PHF3: variants seen among roughly 807,000 people sequenced by gnomAD.
PHF3 encodes the protein PHD finger protein 3.
Under a neutral mutation model 178.4 loss-of-function variants are expected in PHF3, and 41 were observed. The observed-to-expected ratio is 0.23, with a 90% CI of 0.18 to 0.30. The LOEUF (loss-of-function observed/expected upper bound fraction) is 0.30. PHF3 is among the 10% of genes least tolerant of loss of function. PHF3 has a pLI of 1.00. For synonymous variants in PHF3, 842 were observed against 800.5 expected (o/e 1.05, Z -0.88); for missense variants, 2,346 against 2,398.1 (o/e 0.98, Z 0.45).
intron 10 of PHF3, among the ~76,000 whole-genome samples, chr6:63,702,994 C>G (rs914093875): frequency 1.3e-5 from 2 of 152,254 alleles, no homozygotes; most frequent in Non-Finnish European, 2.9e-5. Flanking sequence ...GCTGCCACCT[C>G]AGCCTCCCAA....
intron 6 of PHF3, among the ~76,000 whole-genome samples, chr6:63,696,422 C>A (rs1400683491): frequency 6.6e-6 from 1 of 151,960 alleles, no homozygotes. Flanking sequence ...TGGGCTCAAG[C>A]TATCCTCTCG....
intron 2 of PHF3, among the ~76,000 whole-genome samples, chr6:63,647,862 T>C: frequency 6.6e-6 from 1 of 152,198 alleles, no homozygotes; most frequent in East Asian, 1.9e-4. Context: ...TCCCTCACCA[T>C]TCCCTAGAGT....
At chr6:63,642,233 T>C (rs546250754) in intron 1 of PHF3, among the ~76,000 whole-genome samples, 1 of 152,338 alleles carries the variant, frequency 6.6e-6, no homozygotes, top group East Asian at 1.9e-4. Flanking sequence ...TCCCTTTGCC[T>C]AGAATATCCT....
chr6:63,661,889 G>A (rs1582027491), intron 2 of PHF3, among the ~76,000 whole-genome samples: 2 of 152,254 alleles, frequency 1.3e-5, no homozygotes, highest in East Asian at 3.9e-4. Context: ...TGCTGTCCTT[G>A]TTGTAGAGCA....
intron 2 of PHF3, among the ~76,000 whole-genome samples, chr6:63,668,611 A>G (rs994692973): frequency 3.3e-5 from 5 of 152,092 alleles, no homozygotes; most frequent in African/African-American, 1.2e-4. Flanking sequence ...TAAACCTGGG[A>G]TTATAGGCTT....
At chr6:63,654,960 C>T (rs980617871) in intron 2 of PHF3, among the ~76,000 whole-genome samples, 5 of 136,080 alleles carry the variant, frequency 3.7e-5, no homozygotes, top group African/African-American at 5.5e-5. Flanking sequence ...GTGGTACAAT[C>T]TCAGCTCACT....
intron 14 of PHF3, among the ~76,000 whole-genome samples, chr6:63,710,345 T>G (rs760481679): frequency 2.6e-5 from 4 of 152,196 alleles, no homozygotes; most frequent in South Asian, 2.1e-4. Flanking sequence ...TACTAACATA[T>G]GTATGGTGAT....
Position 63,723,425 on chromosome 6 carries a change from T to C in PHF3, c.*9717T>C, listed in dbSNP as rs964849240. On this transcript the variant is annotated 3_prime_UTR_variant, in exon 16 of 16. Coordinates refer to ENST00000262043, the MANE Select transcript of PHF3 (RefSeq NM_001370348.2). ...TGCAAGTGAACACAAACCAGTTATCTTTTGCAAGATTATGGAGGAAGCTTT... is the reference window on the plus strand; with the variant it reads ...TGCAAGTGAACACAAACCAGTTATCCTTTGCAAGATTATGGAGGAAGCTTT... Among the ~76,000 whole-genome samples the C allele has an allele frequency of 2.0e-5, 3 of 152,320 alleles. No individual in the cohort carries two copies. The highest frequency in any genetic ancestry group is 6.5e-5 in the Admixed American group (1 of 15,300).
chr6:63,646,727 C>T lies in PHF3; in HGVS notation c.176C>T (p.Ala59Val). ...LSDKDPMLGS[A>V]SNQFCLPVLD... Reference sequence around the variant, plus strand: ...GATAAGGATCCTATGCTAGGATCTGCAAGTAACCAGTTCTGTTTGCCTGTT... The same window carrying T: ...GATAAGGATCCTATGCTAGGATCTGTAAGTAACCAGTTCTGTTTGCCTGTT... The change falls in exon 2 of 16, where the codon GCA (alanine) becomes GTA (valine). Residue 59 changes from alanine (A) to valine (V), a missense_variant. Ala to Val is a moderately conservative substitution (Grantham distance 64, BLOSUM62 0). This residue lies in a region of PHF3 where 843 missense variants were observed against 795.2 expected (regional missense o/e 1.06). Coordinates refer to ENST00000262043, the MANE Select transcript of PHF3 (RefSeq NM_001370348.2). 1 of 1,611,640 alleles carries T rather than the reference C, an allele frequency of 6.2e-7. No homozygotes were observed.
chr6:63,638,138 G>T (rs577939507), intron 1 of PHF3, among the ~76,000 whole-genome samples: 60 of 152,096 alleles, frequency 3.9e-4, no homozygotes, highest in African/African-American at 1.4e-3. Context: ...AAAATCGAAA[G>T]GAATTTGTCT....
At chr6:63,703,514 T>G (rs764140434) in intron 10 of PHF3, 22 bp from the exon 11 acceptor site, 1 of 1,589,232 alleles carries the variant, frequency 6.3e-7, no homozygotes, top group Admixed American at 1.9e-5. Flanking sequence ...CTAAAACTAA[T>G]TTTTACTTTG....
Position 63,685,777 on chromosome 6 carries a change from G to A in PHF3, c.2055G>A (p.Glu685=), listed in dbSNP as rs943996046. The A allele has an allele frequency of 1.2e-5, 19 of 1,613,936 alleles. No homozygotes were observed. Among genetic ancestry groups the A allele is most frequent in the Non-Finnish European group, 1.4e-5 (16 of 1,180,026 alleles). Reference sequence around the variant, plus strand: ...GCAGCAAAAGTTTTTCTTTAGATGAGCCACCATTGTTCATTCCAGATAACA... The same window carrying A: ...GCAGCAAAAGTTTTTCTTTAGATGAACCACCATTGTTCATTCCAGATAACA... ...RRSSKSFSLD[E]PPLFIPDNIA... is the part of the protein sequence containing the mutation. Residue 685 remains glutamate (E), a synonymous_variant, in exon 4 of 16, where the codon GAG becomes GAA. Transcript: ENST00000262043.
intron 4 of PHF3, among the ~76,000 whole-genome samples, chr6:63,688,904 G>C (rs1163351327): frequency 6.6e-6 from 1 of 152,136 alleles, no homozygotes. Flanking sequence ...CAACAGCTTT[G>C]CCTCTGTAAA....
Position 63,722,069 on chromosome 6 carries a change from G to C in PHF3, c.*8361G>C, listed in dbSNP as rs1768419478. Among the ~76,000 whole-genome samples the C allele has an allele frequency of 6.6e-6, 1 of 152,052 alleles. No homozygotes were observed. The highest frequency in any genetic ancestry group is 2.4e-5 in the African/African-American group (1 of 41,398). On this transcript the variant is annotated 3_prime_UTR_variant, in exon 16 of 16. Transcript: ENST00000262043. ...TATTGTGGTAGTAAGTTAAAGTGAG[G>C]TTTTTCTTCAAATGAAAGCCTGTTC...
chr6:63,645,891 G>T (rs56030400), intron 1 of PHF3, among the ~76,000 whole-genome samples: 2,164 of 152,112 alleles, frequency 0.014, 23 homozygotes, highest in Middle Eastern at 0.027. Context: ...TTGAAAAAAG[G>T]TGTGTTTGTG....
In PHF3 at chr6:63,723,864, C is replaced by T. The variant is rs925911113; in HGVS notation, c.*10156C>T. ...GAGACCAGAGTCCTGCTCTGTCCCCCAAGCTGGAGTGCAATGGTGCAATCT... is the reference window on the plus strand; with the variant it reads ...GAGACCAGAGTCCTGCTCTGTCCCCTAAGCTGGAGTGCAATGGTGCAATCT... On this transcript the variant is annotated 3_prime_UTR_variant, in exon 16 of 16. Transcript: ENST00000262043. Among the ~76,000 whole-genome samples, 1 of 150,910 alleles carries T rather than the reference C, an allele frequency of 6.6e-6. No individual in the cohort carries two copies. Among genetic ancestry groups the T allele is most frequent in the Non-Finnish European group, 1.5e-5 (1 of 67,782 alleles).
chr6:63,650,438 A>G (rs1206868916), intron 2 of PHF3, among the ~76,000 whole-genome samples: 1 of 152,222 alleles, frequency 6.6e-6, no homozygotes, highest in African/African-American at 2.4e-5. Context: ...TTTCAAGTAA[A>G]GGAAAACACC....
rs772996967 is a variant in PHF3 at position 63,678,869 on chromosome 6, A to G, written c.245-1131A>G. ...GTTGAGCTCTTTTAAATGAAGTTCT[A>G]CTTGGACACAAAGATGAGGACTAGA... On this transcript the variant is annotated intron_variant, in intron 2 of 15. Coordinates refer to ENST00000262043, the MANE Select transcript of PHF3 (RefSeq NM_001370348.2). The G allele has an allele frequency of 4.3e-4, 194 of 451,784 alleles. 4 individuals are homozygous for G. Among genetic ancestry groups the G allele is most frequent in the South Asian group, 2.0e-3 (126 of 63,132 alleles). The allele number at this position is 451,784 out of a possible 1,614,324, so 28.0% of individuals were successfully genotyped here. A position where few individuals can be genotyped will look rare whatever the true frequency, so the allele number is the denominator to read the frequency against.
rs927327659 is a variant in PHF3 at position 63,720,866 on chromosome 6, AAG to A, written c.*7161_*7162del. The A allele has an allele frequency of 2.6e-6, 4 of 1,551,074 alleles. No individual in the cohort carries two copies. The highest frequency in any genetic ancestry group is 3.5e-6 in the Non-Finnish European group (4 of 1,146,630). ...GACTGTTATTTATGTAGGCCTTGAT[AAG>A]AGTCTGATTTTGAATTACAACTACA... is the stretch of plus-strand genomic sequence containing the variant. On this transcript the variant is annotated 3_prime_UTR_variant, in exon 16 of 16. Transcript: ENST00000262043.
Sources: gnomAD v4.1 joint callset for allele counts (sites outside exome capture counted in the v4.1 genomes callset) on GRCh38, gnomAD v4.1.1 for gene constraint, gnomAD v4.1.1 regional missense constraint, MANE v1.5 for transcripts, NCBI Gene and HGNC (gene_info 2026-07-23, HGNC 2026-07-21) for gene names.